THOC5: variants seen among roughly 807,000 people sequenced by gnomAD.
THOC5 encodes the protein THO complex subunit 5.
Under a neutral mutation model 92.9 loss-of-function variants are expected in THOC5, and 43 were observed. The observed-to-expected ratio is 0.46, with a 90% CI of 0.36 to 0.60. THOC5 has a LOEUF of 0.60. THOC5 is among the 20% of genes least tolerant of loss of function. THOC5 has a pLI of 0.00. For missense variants in THOC5, 659 were observed against 849.4 expected, an observed-to-expected ratio of 0.78 and a Z score of 2.79; for synonymous variants, 296 against 320.1, an observed-to-expected ratio of 0.92 and a Z score of 0.80.
intron 17 of THOC5, among the ~76,000 whole-genome samples, chr22:29,514,869 C>A (rs375076279): frequency 6.6e-6 from 1 of 151,738 alleles, no homozygotes; most frequent in South Asian, 2.1e-4. Context: ...CCAACCCCGG[C>A]TAACTTTTAT....
chr22:29,506,976 C>G lies in THOC5; in HGVS notation c.*1481G>C, dbSNP rs909832286. On this transcript the variant is annotated 3_prime_UTR_variant, in exon 20 of 20. Transcript: ENST00000490103. ...CTTGAACTCCTGGACTCCAGTCATC[C>G]GCCCACCTCAGCCTTCTGAGTAACT... The G allele has an allele frequency of 6.6e-6, 1 of 152,202 alleles. No homozygotes were observed. Among genetic ancestry groups the G allele is most frequent in the Non-Finnish European group, 1.5e-5 (1 of 68,068 alleles). The allele number at this position is 152,202 out of a possible 1,614,324, so 9.4% of individuals were successfully genotyped here. A position where few individuals can be genotyped will look rare whatever the true frequency, so the allele number is the denominator to read the frequency against.
rs995034954 is a variant in THOC5, at chr22:29,508,242, A to T, written c.*215T>A. 8.6e-6 allele frequency: 5 copies of T among 582,568 alleles called. No individual in the cohort carries two copies. 36.1% of individuals were successfully genotyped at this position (582,568 alleles called of 1,614,324 possible). The stretch of plus-strand genomic sequence containing the variant: ...CTGCTGAGAAAAAGTCTCTCTACAA[A>T]TGCTTTTTCACACTGTGTCACAGCT... On this transcript the variant is annotated 3_prime_UTR_variant, in exon 20 of 20. Coordinates refer to ENST00000490103, the MANE Select transcript of THOC5 (RefSeq NM_003678.5).
intron 8 of THOC5, chr22:29,531,428 G>A (rs1175838542): frequency 9.9e-7 from 1 of 1,006,338 alleles, no homozygotes; most frequent in African/African-American, 1.7e-5. Context: ...CTGATTCAAG[G>A]CATGGTGAAA....
chr22:29,552,315 GAC>G (rs2064172005), intron 1 of THOC5, among the ~76,000 whole-genome samples: 1 of 150,420 alleles, frequency 6.6e-6, no homozygotes, highest in African/African-American at 2.5e-5. Flanking sequence ...CCTCTTCCCG[GAC>G]CCCATCCCGT....
chr22:29,538,470 T>G (rs1334298027), intron 6 of THOC5, among the ~76,000 whole-genome samples: 1 of 151,948 alleles, frequency 6.6e-6, no homozygotes, highest in Admixed American at 6.6e-5. Context: ...AAAATTAGAT[T>G]TATGGTACAA....
Position 29,549,470 on chromosome 22 carries a change from T to C in THOC5, c.-11-312A>G, listed in dbSNP as rs6006186. Among the ~76,000 whole-genome samples, 1,050 of 152,220 alleles carry C rather than the reference T, an allele frequency of 6.9e-3. 11 individuals carry two copies. The highest frequency in any genetic ancestry group is 0.024 in the African/African-American group (1,000 of 41,544). On this transcript the variant is annotated intron_variant, in intron 1 of 19. Transcript: ENST00000490103. ...CATAGAGGAGACCTGCATTCAAGTG[T>C]TCACCCAGCTATCCAGGCACCATGT...
Position 29,549,073 on chromosome 22 carries a change from C to T in THOC5, c.75G>A (p.Arg25=). The T allele has an allele frequency of 1.2e-6, 2 of 1,614,126 alleles. No homozygotes were observed. Among genetic ancestry groups the T allele is most frequent in the Non-Finnish European group, 1.7e-6 (2 of 1,180,014 alleles). The change falls in exon 2 of 20, where the codon CGG becomes CGA. Residue 25 remains arginine (R), a synonymous_variant. Coordinates refer to ENST00000490103, the MANE Select transcript of THOC5 (RefSeq NM_003678.5). Reference sequence around the variant, plus strand: ...TCACCTGCTCGGTGTCAGATCGATTCCGCTTTCCTTCAGCTGGGGCTCCAT... The same window carrying T: ...TCACCTGCTCGGTGTCAGATCGATTTCGCTTTCCTTCAGCTGGGGCTCCAT... ...RSDGAPAEGK[R]NRSDTEQEGK...
intron 15 of THOC5, among the ~76,000 whole-genome samples, chr22:29,518,323 G>A (rs1456765376): frequency 6.6e-6 from 1 of 152,182 alleles, no homozygotes; most frequent in Non-Finnish European, 1.5e-5. Flanking sequence ...AAGAGCCACT[G>A]CGCCTGTCCC....
Position 29,544,582 on chromosome 22 carries a change from C to T in THOC5, c.118G>A (p.Glu40Lys). The T allele has an allele frequency of 1.2e-6, 2 of 1,613,016 alleles. No individual in the cohort carries two copies. Among genetic ancestry groups the T allele is most frequent in the African/African-American group, 1.3e-5 (1 of 74,990 alleles). Reference protein sequence around the residue: ...TEQEGKYYSEEAEVDLRDPGR... With the variant: ...TEQEGKYYSEKAEVDLRDPGR... ...GGGTCCCGCAGATCCACCTCGGCCT[C>T]CTCACTGTAGTATTTACCTTCCTGT... is the stretch of plus-strand genomic sequence containing the variant. The change falls in exon 3 of 20, where the codon GAG (glutamate) becomes AAG (lysine). Residue 40 changes from glutamate (E) to lysine (K), a missense_variant. By Grantham distance (56) the Glu-to-Lys change is moderately conservative. Transcript: ENST00000490103.
chr22:29,551,715 C>T (rs922854574), intron 1 of THOC5, among the ~76,000 whole-genome samples: 6 of 152,066 alleles, frequency 3.9e-5, no homozygotes, highest in Admixed American at 1.3e-4. Flanking sequence ...CGCGCCACTG[C>T]ACTCAGTCTT....
At chr22:29,548,527 C>T (rs754026650) in intron 2 of THOC5, among the ~76,000 whole-genome samples, 1 of 152,184 alleles carries the variant, frequency 6.6e-6, no homozygotes. Flanking sequence ...TGTACTCCGA[C>T]GTGAGCGACA....
intron 9 of THOC5, 142 bp downstream of exon 9, chr22:29,529,020 T>C: frequency 1.3e-6 from 1 of 794,544 alleles, no homozygotes; most frequent in Non-Finnish European, 2.1e-6. Context: ...GAGCTCTCTT[T>C]CCTGTCTACT....
chr22:29,544,644 A>G, intron 2 of THOC5, 41 bp from the exon 3 acceptor site: 1 of 1,514,368 alleles, frequency 6.6e-7, no homozygotes, highest in East Asian at 2.5e-5. Flanking sequence ...CATGGGGTAA[A>G]AGTCTCCCTG....
In THOC5 at chr22:29,553,660, C is replaced by CAA. The variant is rs2064231573; in HGVS notation, c.-12+10_-12+11insTT. On this transcript the variant is annotated intron_variant, in intron 1 of 19. Coordinates refer to ENST00000490103, the MANE Select transcript of THOC5 (RefSeq NM_003678.5). ...CATCTCCCAGCCCCACTGCCCTTGT[C>CAA]CCCTCCTCACCTCACAGCTCCAAGA... is the stretch of plus-strand genomic sequence containing the variant. 2 of 152,520 alleles carry CAA rather than the reference C, an allele frequency of 1.3e-5. No homozygotes were observed. The highest frequency in any genetic ancestry group is 1.3e-4 in the Admixed American group (2 of 15,276). 9.4% of individuals were successfully genotyped at this position (152,520 alleles called of 1,614,324 possible).
intron 2 of THOC5, among the ~76,000 whole-genome samples, chr22:29,546,547 A>G (rs1396916564): frequency 1.9e-5 from 1 of 52,412 alleles, no homozygotes; most frequent in African/African-American, 1.1e-4. Flanking sequence ...CTCCTGCCTC[A>G]GGCTTGGAGA....
intron 9 of THOC5, 76 bp downstream of exon 9, chr22:29,529,086 A>C: frequency 1.4e-6 from 2 of 1,406,748 alleles, no homozygotes; most frequent in Non-Finnish European, 1.0e-6. Context: ...TAGTCCAGCT[A>C]GTTCTCCAAA....
intron 2 of THOC5, chr22:29,545,222 G>GA (rs779313995): frequency 5.4e-5 from 11 of 205,606 alleles, no homozygotes; most frequent in Admixed American, 1.1e-4. Context: ...AATAGCACGG[G>GA]AAAGACTGGC....
At chr22:29,512,167 A>C in intron 17 of THOC5, 31 bp from the exon 18 acceptor site, 2 of 1,584,954 alleles carry the variant, frequency 1.3e-6, no homozygotes, top group South Asian at 2.2e-5. Context: ...GGAAATGCGC[A>C]GTTCTAAGAC....
chr22:29,524,505 T>C (rs774004473), intron 12 of THOC5, among the ~76,000 whole-genome samples: 1 of 152,162 alleles, frequency 6.6e-6, no homozygotes, highest in Non-Finnish European at 1.5e-5. Context: ...GTTATTAGCA[T>C]GTAGGGCACC....
Sources: allele counts gnomAD v4.1 joint callset (sites outside exome capture counted in the v4.1 genomes callset), GRCh38; gene constraint gnomAD v4.1.1; transcripts MANE v1.5; gene names NCBI Gene and HGNC (gene_info 2026-07-23, HGNC 2026-07-21).